The following TLL2 variants were observed in gnomAD, a reference collection of about 807,000 sequenced individuals.
TLL2 encodes tolloid like 2.
Under a neutral mutation model 123.0 loss-of-function variants are expected in TLL2, and 106 were observed. The observed-to-expected ratio is 0.86, with a 90% confidence interval of 0.74 to 1.01. The LOEUF (loss-of-function observed/expected upper bound fraction) is 1.01, where lower values mean the gene tolerates loss of function less well. Ranked by LOEUF, TLL2 falls within the 50% of genes least tolerant of loss-of-function variation. TLL2 has a pLI of 0.00. For synonymous variants in TLL2, 494 were observed against 516.8 expected (o/e 0.96, Z 0.60); for missense variants, 1,332 against 1,336.7 (o/e 1.00, Z 0.06).
chr10:96,379,067 G>T lies in TLL2; in HGVS notation c.2220C>A (p.Asn740Lys). ...FSDKDECAKD[N>K]GGCQHECVNT... is the part of the protein sequence containing the mutation. The stretch of plus-strand genomic sequence containing the variant: ...TGACGCACTCATGCTGACACCCGCC[G>T]TTGTCCTTGGCACACTCGTCCTTAT... Residue 740 changes from asparagine (N) to lysine (K), a missense_variant, in exon 17 of 21, where the codon AAC (asparagine) becomes AAA (lysine). Asn to Lys is a moderately conservative substitution (Grantham distance 94). Coordinates refer to ENST00000357947, the MANE Select transcript of TLL2 (RefSeq NM_012465.4). 1.9e-6 allele frequency: 3 copies of T among 1,613,972 alleles called. No homozygotes were observed.
intron 10 of TLL2, among the ~76,000 whole-genome samples, chr10:96,402,116 T>A (rs1010633879): frequency 4.6e-5 from 7 of 152,220 alleles, no homozygotes; most frequent in Non-Finnish European, 7.3e-5. Context: ...TCCGATGTTC[T>A]CACGAAACTC....
chr10:96,513,599 G>A lies in TLL2; in HGVS notation c.87C>T (p.Arg29=), dbSNP rs746497605. The change falls in exon 1 of 21, where the codon CGC becomes CGT. Residue 29 remains arginine (R), a synonymous_variant. Coordinates refer to ENST00000357947, the MANE Select transcript of TLL2 (RefSeq NM_012465.4). ...CTGAGTAGTCTGCGGTGGCGTCCGG[G>A]CGCTCCCCGAGTCCCCCGGCGCCGC... ...LPRGAGGLGE[R]PDATADYSEL... The A allele has an allele frequency of 2.1e-5, 34 of 1,605,278 alleles. No individual in the cohort carries two copies. Among genetic ancestry groups the A allele is most frequent in the Admixed American group, 5.0e-5 (3 of 59,918 alleles).
intron 1 of TLL2, among the ~76,000 whole-genome samples, chr10:96,505,066 T>C (rs1397614452): frequency 1.3e-5 from 2 of 152,114 alleles, no homozygotes; most frequent in East Asian, 3.8e-4. Flanking sequence ...TACCTGCGAC[T>C]GGGTAATTTA....
Position 96,513,799 on chromosome 10 carries a change from G to T in TLL2, c.-114C>A. ...CCGGCCGGGACTCGGTGGTTACACA[G>T]GGCTGCTGGGCATGGCTCAGGCGCG... On this transcript the variant is annotated 5_prime_UTR_variant, in exon 1 of 21. The change creates a new upstream start codon in the 5' untranslated region. Coordinates refer to ENST00000357947, the MANE Select transcript of TLL2 (RefSeq NM_012465.4). 1 of 1,137,608 alleles carries T rather than the reference G, an allele frequency of 8.8e-7. No homozygotes were observed. The highest frequency in any genetic ancestry group is 1.2e-6 in the Non-Finnish European group (1 of 852,384). The allele number at this position is 1,137,608 out of a possible 1,614,324, so 70.5% of individuals were successfully genotyped here. A position where few individuals can be genotyped will look rare whatever the true frequency, so the allele number is the denominator to read the frequency against.
rs758175394 is a variant in TLL2 at position 96,513,670 on chromosome 10, C to T, written c.16G>A (p.Ala6Thr). 50 of 1,559,744 alleles carry T rather than the reference C, an allele frequency of 3.2e-5. No homozygotes were observed. The South Asian group carries it at 5.6e-4, about 17-fold the overall frequency. ...AGCAGTGACACCAGGGCCCCAAGTG[C>T]AGTCGCCCGGGGCATGGTGGCGCGG... MPRAT[A>T]LGALVSLLLL... The change falls in exon 1 of 21, where the codon GCA (alanine) becomes ACA (threonine). Residue 6 changes from alanine (A) to threonine (T), a missense_variant. Transcript: ENST00000357947.
rs966660337 is a variant in TLL2 at position 96,384,979 on chromosome 10, G to A, written c.2014-212C>T. 2.6e-5 allele frequency among the ~76,000 whole-genome samples: 4 copies of A among 152,348 alleles called. No individual in the cohort carries two copies. In the South Asian group the frequency reaches 6.2e-4, roughly 24 times the overall value. ...ACTGAGGCTCTGTGGGGGTGCCATCGCCTGGCACAAGAGCACAGGGCTCCC... is the reference window on the plus strand; with the variant it reads ...ACTGAGGCTCTGTGGGGGTGCCATCACCTGGCACAAGAGCACAGGGCTCCC... On this transcript the variant is annotated intron_variant, in intron 15 of 20. Coordinates refer to ENST00000357947, the MANE Select transcript of TLL2 (RefSeq NM_012465.4).
At chr10:96,510,094 G>A (rs1050504077) in intron 1 of TLL2, among the ~76,000 whole-genome samples, 1 of 152,202 alleles carries the variant, frequency 6.6e-6, no homozygotes, top group Non-Finnish European at 1.5e-5. Flanking sequence ...AAGGCCACAC[G>A]GTGAGTAAGG....
intron 1 of TLL2, among the ~76,000 whole-genome samples, chr10:96,507,844 G>A (rs1174243141): frequency 2.6e-5 from 4 of 152,046 alleles, no homozygotes; most frequent in African/African-American, 9.7e-5. Flanking sequence ...AGAGAAGGTG[G>A]ACTAGATTCT....
chr10:96,432,705 A>G (rs1846757129), intron 4 of TLL2, 102 bp downstream of exon 4: 10 of 1,462,634 alleles, frequency 6.8e-6, no homozygotes, highest in Non-Finnish European at 9.3e-6. Context: ...TGTGGTCCCT[A>G]ACATCTGCTC....
At chr10:96,386,276 C>T in intron 14 of TLL2, 61 bp from the exon 15 acceptor site, 3 of 1,455,020 alleles carry the variant, frequency 2.1e-6, no homozygotes, top group Admixed American at 4.7e-5. Context: ...CTGTGATTTC[C>T]CACCAGGAGC....
At chr10:96,404,562 CAT>C (rs1275428059) in intron 10 of TLL2, among the ~76,000 whole-genome samples, 7 of 152,146 alleles carry the variant, frequency 4.6e-5, no homozygotes, top group African/African-American at 1.7e-4. Context: ...AGCCTGTACA[CAT>C]GTTTTAAGTC....
intron 2 of TLL2, among the ~76,000 whole-genome samples, chr10:96,460,524 G>T (rs1256539372): frequency 6.6e-6 from 1 of 152,122 alleles, no homozygotes; most frequent in Non-Finnish European, 1.5e-5. Context: ...GGGTGTGATT[G>T]GATCATGGGG....
intron 1 of TLL2, 28 bp downstream of exon 1, chr10:96,513,483 G>T: frequency 6.2e-7 from 1 of 1,611,350 alleles, no homozygotes. Flanking sequence ...GCAAACTTCT[G>T]CGGGACTTCC....
chr10:96,419,109 T>C (rs1481419307), intron 7 of TLL2, among the ~76,000 whole-genome samples: 1 of 152,114 alleles, frequency 6.6e-6, no homozygotes, highest in African/African-American at 2.4e-5. Flanking sequence ...CTTGGATATT[T>C]GCACACTGCA....
At chr10:96,478,527 C>T (rs10736110) in intron 2 of TLL2, among the ~76,000 whole-genome samples, 117,337 of 152,164 alleles carry the variant, frequency 0.77, 45,345 homozygotes, top group Middle Eastern at 0.9. Context: ...CAAAACACTA[C>T]GTCCAAGAAT....
At chr10:96,425,898 C>T (rs1468902730) in intron 5 of TLL2, among the ~76,000 whole-genome samples, 1 of 151,914 alleles carries the variant, frequency 6.6e-6, no homozygotes, top group Admixed American at 6.6e-5. Context: ...ATTGTGGTAA[C>T]CCTAAACATC....
chr10:96,501,239 T>C (rs1847530577), intron 1 of TLL2, among the ~76,000 whole-genome samples: 1 of 152,240 alleles, frequency 6.6e-6, no homozygotes, highest in Non-Finnish European at 1.5e-5. Context: ...TATCTCCCTT[T>C]CCACCACCTC....
chr10:96,472,290 A>G (rs921422309), intron 2 of TLL2, among the ~76,000 whole-genome samples: 2 of 152,172 alleles, frequency 1.3e-5, no homozygotes, highest in African/African-American at 4.8e-5. Context: ...CTTCTGTAGG[A>G]TATCATAGGG....
chr10:96,476,240 A>ATATTTTTTTTTTTTTT, intron 2 of TLL2, among the ~76,000 whole-genome samples: 2 of 20,490 alleles, frequency 9.8e-5, no homozygotes, highest in Non-Finnish European at 2.0e-4. Flanking sequence ...ATATATATAT[A>ATATTTTTTTTTTTTTT]TTTTATTTTT....
Sources: gnomAD v4.1 joint callset for allele counts (sites outside exome capture counted in the v4.1 genomes callset) on GRCh38, gnomAD v4.1.1 for gene constraint, MANE v1.5 for transcripts, NCBI Gene and HGNC (gene_info 2026-07-23, HGNC 2026-07-21) for gene names.